The following MRAP2 variants were observed in gnomAD, a reference collection of about 807,000 sequenced individuals.
MRAP2 encodes the protein melanocortin-2 receptor accessory protein 2.
MRAP2 carries 20 observed loss-of-function variants against 17.4 expected under a neutral mutation model. The ratio of observed to expected loss-of-function variants is 1.15; its 90% CI spans 0.81 to 1.67. The LOEUF (loss-of-function observed/expected upper bound fraction) is 1.67, where lower values mean the gene tolerates loss of function less well. Among genes scored for constraint, MRAP2 ranks in the 40% most tolerant of loss-of-function variants. The probability of loss-of-function intolerance (pLI) is 0.00; values close to 1 mark genes in which losing one functional copy is unlikely to be tolerated. For missense variants in MRAP2, 238 were observed against 240.0 expected, an observed-to-expected ratio of 0.99 and a Z score of 0.05; for synonymous variants, 96 against 88.4, an observed-to-expected ratio of 1.09 and a Z score of -0.48.
chr6:84,065,141 C>T (rs886543928), intron 3 of MRAP2, among the ~76,000 whole-genome samples: 3 of 151,982 alleles, frequency 2.0e-5, no homozygotes, highest in East Asian at 1.9e-4. Flanking sequence ...AAAAATCAGC[C>T]GGGCATGGTG....
the MRAP2 span, among the ~76,000 whole-genome samples, chr6:84,116,199 T>C: frequency 6.6e-6 from 1 of 152,304 alleles, no homozygotes; most frequent in South Asian, 2.1e-4. Context: ...TCCTTGTTGA[T>C]ATGGTTTGGG....
the MRAP2 span, among the ~76,000 whole-genome samples, chr6:84,098,646 A>G: frequency 6.6e-6 from 1 of 152,162 alleles, no homozygotes; most frequent in African/African-American, 2.4e-5. Context: ...TCAGTCTTTT[A>G]AATTGTATTC....
At chr6:84,053,459 G>A (rs2099490950) in intron 1 of MRAP2, among the ~76,000 whole-genome samples, 1 of 151,964 alleles carries the variant, frequency 6.6e-6, no homozygotes, top group Non-Finnish European at 1.5e-5. Context: ...GTAATTTTTT[G>A]TCATAGTTTT....
chr6:84,063,083 G>A (rs1448921265), intron 3 of MRAP2, 91 bp downstream of exon 3: 1 of 1,575,042 alleles, frequency 6.3e-7, no homozygotes, highest in Non-Finnish European at 8.6e-7. Context: ...TGCTTCCCGT[G>A]GATGAAGAGA....
intron 3 of MRAP2, among the ~76,000 whole-genome samples, chr6:84,076,798 G>A (rs568355736): frequency 6.6e-6 from 1 of 152,336 alleles, no homozygotes; most frequent in Non-Finnish European, 1.5e-5. Flanking sequence ...TGGCACAGCA[G>A]CAGGTATTTC....
At chr6:84,112,259 T>C in the MRAP2 span, among the ~76,000 whole-genome samples, 3 of 152,212 alleles carry the variant, frequency 2.0e-5, no homozygotes, top group African/African-American at 7.2e-5. Flanking sequence ...GGTAGGCTAT[T>C]AATTACTCCC....
intron 3 of MRAP2, among the ~76,000 whole-genome samples, chr6:84,069,086 T>C (rs1403847369): frequency 6.6e-6 from 1 of 152,100 alleles, no homozygotes; most frequent in Non-Finnish European, 1.5e-5. Context: ...TTGGATGCCC[T>C]TTATTTCTTT....
the MRAP2 span, among the ~76,000 whole-genome samples, chr6:84,119,678 A>G: frequency 1.3e-5 from 2 of 152,238 alleles, no homozygotes; most frequent in Non-Finnish European, 2.9e-5. Context: ...AATGTCATAC[A>G]CAGAATCACT....
At chr6:84,093,429 G>A (rs1276866051), downstream of MRAP2, among the ~76,000 whole-genome samples, 1 of 152,078 alleles carries the variant, frequency 6.6e-6, no homozygotes, top group Admixed American at 6.6e-5. Flanking sequence ...ACCCTAAAAT[G>A]AGGGTTCTAT....
chr6:84,056,535 G>A (rs887121155), intron 2 of MRAP2, among the ~76,000 whole-genome samples: 3 of 152,120 alleles, frequency 2.0e-5, no homozygotes, highest in Non-Finnish European at 4.4e-5. Flanking sequence ...TGGAAAAAAA[G>A]CACATGGCAT....
the MRAP2 span, among the ~76,000 whole-genome samples, chr6:84,119,068 G>A: frequency 6.6e-6 from 1 of 152,104 alleles, no homozygotes; most frequent in Non-Finnish European, 1.5e-5. Context: ...ATAATATACT[G>A]TTTTGATTAC....
At chr6:84,112,593 T>C in the MRAP2 span, among the ~76,000 whole-genome samples, 4 of 152,316 alleles carry the variant, frequency 2.6e-5, no homozygotes, top group Non-Finnish European at 5.9e-5. Context: ...ATTTTTTATG[T>C]CTCTGTCTTC....
chr6:84,088,462 C>CT (rs1268315342), intron 3 of MRAP2, among the ~76,000 whole-genome samples: 1 of 152,164 alleles, frequency 6.6e-6, no homozygotes, highest in Non-Finnish European at 1.5e-5. Flanking sequence ...GATTGTGTGA[C>CT]TAAGTGGGCA....
At chr6:84,137,848 T>C in the MRAP2 span, among the ~76,000 whole-genome samples, 10 of 152,252 alleles carry the variant, frequency 6.6e-5, no homozygotes, top group African/African-American at 2.4e-4. Flanking sequence ...ATTTGAAAAA[T>C]ACATGCCTGA....
At chr6:84,139,574 TGGAACCTGCA>T in the MRAP2 span, among the ~76,000 whole-genome samples, 455 of 152,308 alleles carry the variant, frequency 3.0e-3, 1 homozygote, top group African/African-American at 0.01. Flanking sequence ...CCATCCACTC[TGGAACCTGCA>T]GATGAAATCC....
At chr6:84,081,064 G>T (rs956109572) in intron 3 of MRAP2, among the ~76,000 whole-genome samples, 2 of 152,198 alleles carry the variant, frequency 1.3e-5, no homozygotes, top group Admixed American at 1.3e-4. Context: ...AAGTAGAGCA[G>T]ACAGAGAACA....
chr6:84,115,421 T>C, the MRAP2 span, among the ~76,000 whole-genome samples: 1 of 152,168 alleles, frequency 6.6e-6, no homozygotes, highest in African/African-American at 2.4e-5. Flanking sequence ...GGACGCCCCT[T>C]CACCCACCAA....
At chr6:84,098,261 G>A in the MRAP2 span, among the ~76,000 whole-genome samples, 5 of 152,132 alleles carry the variant, frequency 3.3e-5, no homozygotes, top group East Asian at 1.9e-4. Context: ...TTTGAGATTC[G>A]TCCATGTTGT....
At chr6:84,036,123 AGTCTT>A (rs1267645974) in intron 1 of MRAP2, among the ~76,000 whole-genome samples, 1 of 150,638 alleles carries the variant, frequency 6.6e-6, no homozygotes, top group Non-Finnish European at 1.5e-5. Flanking sequence ...TTTTCTGTCT[AGTCTT>A]TTTTTTTTTT....
Sources: allele counts gnomAD v4.1 joint callset (sites outside exome capture counted in the v4.1 genomes callset), GRCh38; gene constraint gnomAD v4.1.1; transcripts MANE v1.5; gene names NCBI Gene and HGNC (gene_info 2026-07-23, HGNC 2026-07-21).